The following ENPP6 variants were observed in gnomAD, a reference collection of about 807,000 sequenced individuals.
ENPP6 encodes the protein glycerophosphocholine cholinephosphodiesterase ENPP6.
In ENPP6, 32 loss-of-function variants were observed where a neutral mutation model predicts 42.0. That is an observed-to-expected ratio of 0.76 (90% CI 0.58 to 1.02). ENPP6 has a LOEUF of 1.02. ENPP6 is among the 50% of genes least tolerant of loss of function. The pLI is 0.00. For synonymous variants in ENPP6, 213 were observed against 216.0 expected, an observed-to-expected ratio of 0.99 and a Z score of 0.12; for missense variants, 552 against 566.8, an observed-to-expected ratio of 0.97 and a Z score of 0.27.
chr4:184,104,356 C>T (rs1736053128), intron 6 of ENPP6, among the ~76,000 whole-genome samples: 1 of 152,202 alleles, frequency 6.6e-6, no homozygotes, highest in African/African-American at 2.4e-5. Context: ...AAATATTGGC[C>T]TCCTTTAGAA....
chr4:184,112,513 G>A (rs769977715), intron 6 of ENPP6, 159 bp downstream of exon 6: 51 of 943,736 alleles, frequency 5.4e-5, no homozygotes, highest in Middle Eastern at 3.3e-4. Flanking sequence ...AAAGTTACCC[G>A]ATCAAGACTT....
intron 3 of ENPP6, among the ~76,000 whole-genome samples, chr4:184,119,860 C>T (rs905752047): frequency 6.6e-6 from 1 of 152,180 alleles, no homozygotes; most frequent in African/African-American, 2.4e-5. Context: ...TGAAGAAGGA[C>T]ACGTCTGCTT....
At chr4:184,093,828 T>C (rs1318120866) in intron 7 of ENPP6, among the ~76,000 whole-genome samples, 2 of 151,920 alleles carry the variant, frequency 1.3e-5, no homozygotes, top group Non-Finnish European at 2.9e-5. Flanking sequence ...AGTGGAATGG[T>C]TGTTCCAGCG....
chr4:184,129,530 A>G (rs1367769278), intron 2 of ENPP6, among the ~76,000 whole-genome samples: 1 of 152,224 alleles, frequency 6.6e-6, no homozygotes, highest in African/African-American at 2.4e-5. Context: ...ACTGTTACCC[A>G]TTGAGACTAA....
intron 2 of ENPP6, among the ~76,000 whole-genome samples, chr4:184,145,350 CT>C (rs1736900258): frequency 1.3e-5 from 2 of 152,126 alleles, no homozygotes; most frequent in African/African-American, 4.8e-5. Flanking sequence ...ATCCTCTCCC[CT>C]TTTTCTTCTT....
chr4:184,110,164 C>T (rs1441546161), intron 6 of ENPP6, among the ~76,000 whole-genome samples: 1 of 152,224 alleles, frequency 6.6e-6, no homozygotes, highest in Non-Finnish European at 1.5e-5. Flanking sequence ...TGTTCTTGCT[C>T]TCCCCTCACC....
chr4:184,100,871 T>C lies in ENPP6; in HGVS notation c.994-3503A>G, dbSNP rs562521260. On this transcript the variant is annotated intron_variant, in intron 6 of 7. Coordinates refer to ENST00000296741, the MANE Select transcript of ENPP6 (RefSeq NM_153343.4). ...TCTGGATTCGTGCCAGGAACTCAGC[T>C]AGGCTTCTGGGGTCGGGGCCACAGA... Among the ~76,000 whole-genome samples the C allele has an allele frequency of 3.9e-5, 6 of 152,314 alleles. No homozygotes were observed. The East Asian group carries it at 9.6e-4, about 24-fold the overall frequency.
chr4:184,103,109 G>A (rs1277475410), intron 6 of ENPP6, among the ~76,000 whole-genome samples: 2 of 152,386 alleles, frequency 1.3e-5, no homozygotes, highest in East Asian at 1.9e-4. Flanking sequence ...GCAGAATGAG[G>A]CACAGGATCA....
intron 7 of ENPP6, among the ~76,000 whole-genome samples, chr4:184,096,983 CAT>C (rs1735921607): frequency 6.6e-6 from 1 of 152,196 alleles, no homozygotes; most frequent in Non-Finnish European, 1.5e-5. Context: ...GAATCACAAA[CAT>C]GTGGAATACA....
chr4:184,146,296 TG>T (rs1736919328), intron 2 of ENPP6, among the ~76,000 whole-genome samples: 1 of 151,790 alleles, frequency 6.6e-6, no homozygotes, highest in Admixed American at 6.6e-5. Flanking sequence ...CTGGGCATGG[TG>T]GTGGGTGCTT....
In ENPP6 at chr4:184,166,593, C is replaced by G. The variant is rs1340393020; in HGVS notation, c.242-12860G>C. Among the ~76,000 whole-genome samples, 4 of 152,336 alleles carry G rather than the reference C, an allele frequency of 2.6e-5. No individual in the cohort carries two copies. The East Asian group carries it at 7.7e-4, about 29-fold the overall frequency. On this transcript the variant is annotated intron_variant, in intron 1 of 7. Transcript: ENST00000296741. ...AAAGAAATTTCCTGACAATCCAATT[C>G]ATCTTCACCGCTGTGCAAAGTTGGA...
At position 184,090,166 on chromosome 4, in the gene ENPP6, G is replaced by A. The variant is rs1735761745; in HGVS notation, c.*1011C>T. 1 of 152,100 alleles carries A rather than the reference G, an allele frequency of 6.6e-6. No homozygotes were observed. The highest frequency in any genetic ancestry group is 1.5e-5 in the Non-Finnish European group (1 of 68,050). 9.4% of individuals were successfully genotyped at this position (152,100 alleles called of 1,614,324 possible). ...AGGGGTACTGGTGTCCAGGATTAAG[G>A]CTTAGTGCATCACCTCTCTGAGCAA... On this transcript the variant is annotated 3_prime_UTR_variant, in exon 8 of 8. Transcript: ENST00000296741.
At chr4:184,143,576 C>T (rs1736866712) in intron 2 of ENPP6, among the ~76,000 whole-genome samples, 2 of 152,346 alleles carry the variant, frequency 1.3e-5, no homozygotes, top group East Asian at 1.9e-4. Flanking sequence ...GACCTCGTGG[C>T]CTCTCCCGCT....
At chr4:184,213,229 A>G (rs1254834711) in intron 1 of ENPP6, among the ~76,000 whole-genome samples, 1 of 152,090 alleles carries the variant, frequency 6.6e-6, no homozygotes, top group Non-Finnish European at 1.5e-5. Flanking sequence ...CAAAGCCAAA[A>G]TTGACAAATG....
intron 1 of ENPP6, among the ~76,000 whole-genome samples, chr4:184,212,050 A>G (rs1382216217): frequency 1.3e-5 from 2 of 151,468 alleles, no homozygotes; most frequent in East Asian, 3.9e-4. Flanking sequence ...CCTTCATGCT[A>G]AAAACTCTCA....
At chr4:184,207,664 C>T (rs895478834) in intron 1 of ENPP6, among the ~76,000 whole-genome samples, 15 of 152,232 alleles carry the variant, frequency 9.9e-5, no homozygotes, top group African/African-American at 3.4e-4. Flanking sequence ...CAGATCTCTC[C>T]TCTTTAAAAT....
intron 1 of ENPP6, among the ~76,000 whole-genome samples, chr4:184,170,086 G>T (rs2111091602): frequency 6.6e-6 from 1 of 152,282 alleles, no homozygotes; most frequent in Non-Finnish European, 1.5e-5. Context: ...AGTCCATATT[G>T]AGTTTTCCAT....
intron 2 of ENPP6, among the ~76,000 whole-genome samples, chr4:184,139,486 C>G (rs1189215362): frequency 7.0e-6 from 1 of 142,044 alleles, no homozygotes; most frequent in African/African-American, 2.6e-5. Flanking sequence ...AGGTATATCT[C>G]CCAATGCTAT....
chr4:184,165,695 C>G lies in ENPP6; in HGVS notation c.242-11962G>C, dbSNP rs139668423. Among the ~76,000 whole-genome samples the G allele has an allele frequency of 3.0e-3, 451 of 152,312 alleles. 1 individual carries two copies. Among genetic ancestry groups the G allele is most frequent in the Non-Finnish European group, 4.3e-3 (293 of 68,028 alleles). ...CAACAAAGGAGATGGTAATGTTAAGCTTCCTCTTCCTCTGGAAAGAAGCCA... is the reference window on the plus strand; with the variant it reads ...CAACAAAGGAGATGGTAATGTTAAGGTTCCTCTTCCTCTGGAAAGAAGCCA... On this transcript the variant is annotated intron_variant, in intron 1 of 7. Coordinates refer to ENST00000296741, the MANE Select transcript of ENPP6 (RefSeq NM_153343.4).
Sources: allele counts gnomAD v4.1 joint callset (sites outside exome capture counted in the v4.1 genomes callset), GRCh38; gene constraint gnomAD v4.1.1; transcripts MANE v1.5; gene names NCBI Gene and HGNC (gene_info 2026-07-23, HGNC 2026-07-21).